FECH: variants seen among roughly 807,000 people sequenced by gnomAD.
The protein encoded by FECH is ferrochelatase, mitochondrial.
In FECH, 40 loss-of-function variants were observed where a neutral mutation model predicts 56.9. The observed-to-expected ratio is 0.70, with a 90% CI of 0.55 to 0.92. The LOEUF (loss-of-function observed/expected upper bound fraction) is 0.92, where lower values mean the gene tolerates loss of function less well. Ranked by LOEUF, FECH falls within the 40% of genes least tolerant of loss-of-function variation. FECH has a pLI of 0.00. For missense variants in FECH, 431 were observed against 529.1 expected, an observed-to-expected ratio of 0.81 and a Z score of 1.82; for synonymous variants, 175 against 198.6, an observed-to-expected ratio of 0.88 and a Z score of 1.00.
intron 2 of FECH, among the ~76,000 whole-genome samples, chr18:57,575,771 T>G (rs2051177012): frequency 6.7e-6 from 1 of 148,818 alleles, no homozygotes; most frequent in Non-Finnish European, 1.5e-5. Context: ...TTAACAACAT[T>G]TGGCAATAAC....
At chr18:57,563,116 C>T in intron 5 of FECH, 136 bp from the exon 6 acceptor site, 1 of 724,636 alleles carries the variant, frequency 1.4e-6, no homozygotes, top group Non-Finnish European at 2.4e-6. Flanking sequence ...ACAATCATTT[C>T]AATACTCTAA....
chr18:57,560,712 T>G (rs1287154861), intron 6 of FECH, among the ~76,000 whole-genome samples: 1 of 152,216 alleles, frequency 6.6e-6, no homozygotes, highest in Non-Finnish European at 1.5e-5. Context: ...ATACTATTCT[T>G]AATCTTGTAA....
intron 1 of FECH, among the ~76,000 whole-genome samples, chr18:57,583,699 G>A (rs181941249): frequency 5.9e-5 from 9 of 152,284 alleles, no homozygotes; most frequent in Middle Eastern, 3.4e-3. Context: ...GGGGGCTCAC[G>A]CCTGTAATTC....
At position 57,586,679 on chromosome 18, in the gene FECH, C is replaced by G; in HGVS notation, c.-59G>C. 2 of 1,444,244 alleles carry G rather than the reference C, an allele frequency of 1.4e-6. No homozygotes were observed. The highest frequency in any genetic ancestry group is 2.6e-5 in the South Asian group (2 of 77,092). The allele number at this position is 1,444,244 out of a possible 1,614,324, so 89.5% of individuals were successfully genotyped here. A position where few individuals can be genotyped will look rare whatever the true frequency, so the allele number is the denominator to read the frequency against. On this transcript the variant is annotated 5_prime_UTR_variant, in exon 1 of 11. Coordinates refer to ENST00000262093, the MANE Select transcript of FECH (RefSeq NM_000140.5). ...TCCCGCGGCGGCGCGCCCAGGTGTCCGCCCAGCAGTGGCCGAGCCGGGTAG... is the reference window on the plus strand; with the variant it reads ...TCCCGCGGCGGCGCGCCCAGGTGTCGGCCCAGCAGTGGCCGAGCCGGGTAG...
intron 2 of FECH, among the ~76,000 whole-genome samples, chr18:57,579,541 C>A (rs1046101140): frequency 2.0e-5 from 3 of 152,134 alleles, no homozygotes; most frequent in Non-Finnish European, 4.4e-5. Flanking sequence ...ACCCTTGCAA[C>A]AATGCCATGC....
At position 57,549,379 on chromosome 18, in the gene FECH, T is replaced by A. The variant is rs2050765030; in HGVS notation, c.*1333A>T. 1 of 143,774 alleles carries A rather than the reference T, an allele frequency of 7.0e-6. No individual in the cohort carries two copies. The highest frequency in any genetic ancestry group is 2.2e-4 in the South Asian group (1 of 4,644). The allele number at this position is 143,774 out of a possible 1,614,324, so 8.9% of individuals were successfully genotyped here. ...TTATTAACATAGCCAATTCTCAATA[T>A]AGAAGATTTATGAATCTCCTAATAC... On this transcript the variant is annotated 3_prime_UTR_variant, in exon 11 of 11. Coordinates refer to ENST00000262093, the MANE Select transcript of FECH (RefSeq NM_000140.5).
Position 57,550,715 on chromosome 18 carries a change from C to T in FECH, c.1269G>A (p.Leu423=), listed in dbSNP as rs2050786095. Residue 423 remains leucine (L), a synonymous_variant, in exon 11 of 11, where the codon CTG becomes CTA. Transcript: ENST00000262093. ...ETKSFFTSQQ[L] ...CCACGGGGTCCACCGGCGGGGGTCA[C>T]AGCTGCTGGCTGGTGAAGAAGGATT... 6.2e-7 allele frequency: 1 copy of T among 1,613,970 alleles called. No homozygotes were observed. Among genetic ancestry groups the T allele is most frequent in the East Asian group, 2.2e-5 (1 of 44,880 alleles).
intron 4 of FECH, among the ~76,000 whole-genome samples, chr18:57,568,423 G>A (rs2051046830): frequency 6.6e-6 from 1 of 152,188 alleles, no homozygotes; most frequent in African/African-American, 2.4e-5. Flanking sequence ...AAGACAACCT[G>A]TAAACACATA....
chr18:57,558,861 C>T (rs1215953485), intron 7 of FECH, among the ~76,000 whole-genome samples: 1 of 151,990 alleles, frequency 6.6e-6, no homozygotes, highest in African/African-American at 2.4e-5. Flanking sequence ...GTGGAGGTTG[C>T]AGTGAGCCGA....
chr18:57,578,119 T>A (rs2122348137), intron 2 of FECH, among the ~76,000 whole-genome samples: 1 of 152,242 alleles, frequency 6.6e-6, no homozygotes, highest in Admixed American at 6.5e-5. Flanking sequence ...ACAAATGAAA[T>A]AATTTTTCTT....
intron 6 of FECH, among the ~76,000 whole-genome samples, chr18:57,560,658 T>A (rs989903266): frequency 3.9e-5 from 6 of 152,162 alleles, no homozygotes; most frequent in African/African-American, 1.4e-4. Flanking sequence ...CTCAAAATAA[T>A]AATAATACAG....
At chr18:57,552,375 AT>A (rs1304581901) in intron 9 of FECH, among the ~76,000 whole-genome samples, 3 of 151,196 alleles carry the variant, frequency 2.0e-5, no homozygotes, top group African/African-American at 4.9e-5. Context: ...TTGATCTTTT[AT>A]TTTTTATTTA....
chr18:57,556,361 G>A (rs540251044), intron 7 of FECH, among the ~76,000 whole-genome samples: 2 of 152,066 alleles, frequency 1.3e-5, no homozygotes, highest in Non-Finnish European at 2.9e-5. Flanking sequence ...TAATTACAAA[G>A]AGAAAAATAG....
chr18:57,570,031 T>TGTGTGTGTG (rs1317904142), intron 4 of FECH, among the ~76,000 whole-genome samples: 2 of 79,050 alleles, frequency 2.5e-5, no homozygotes, highest in East Asian at 5.6e-4. Flanking sequence ...GTTGTTGTTG[T>TGTGTGTGTG]CGTGTGTGTG....
chr18:57,582,530 A>C (rs781392152), intron 1 of FECH, among the ~76,000 whole-genome samples: 6 of 151,632 alleles, frequency 4.0e-5, no homozygotes, highest in Non-Finnish European at 8.8e-5. Flanking sequence ...TGGGAGGCAG[A>C]GGTGGGAGGA....
intron 2 of FECH, 61 bp from the exon 3 acceptor site, chr18:57,573,426 C>T (rs1186829271): frequency 1.6e-5 from 26 of 1,600,122 alleles, no homozygotes; most frequent in Non-Finnish European, 2.1e-5. Context: ...CCAGGGTGGA[C>T]TCTTGGTTCA....
At chr18:57,586,256 C>T (rs911990908) in intron 1 of FECH, among the ~76,000 whole-genome samples, 2 of 152,228 alleles carry the variant, frequency 1.3e-5, no homozygotes, top group Non-Finnish European at 2.9e-5. Flanking sequence ...CTGGTTATTG[C>T]AGGTGACAAT....
At chr18:57,555,445 G>C (rs577143223) in intron 7 of FECH, among the ~76,000 whole-genome samples, 4 of 152,268 alleles carry the variant, frequency 2.6e-5, no homozygotes, top group African/African-American at 9.6e-5. Context: ...GCAGGTTACA[G>C]GCACCTCCAA....
At position 57,554,921 on chromosome 18, in the gene FECH, T is replaced by A. The variant is rs2122250951; in HGVS notation, c.836A>T (p.Glu279Val). Residue 279 changes from glutamate to valine, a missense_variant, in exon 8 of 11, where the codon GAG becomes GTG. Transcript: ENST00000262093. The part of the protein sequence containing the change: ...VVNRGDPYPQ[E>V]VSATVQKVME... ...GACTTTTTGGACAGTGGCGCTTACC[T>A]CCTGAGGATATGGGTCGCCTCTGTT... The A allele has an allele frequency of 6.2e-7, 1 of 1,614,128 alleles. No individual in the cohort carries two copies. Among genetic ancestry groups the A allele is most frequent in the African/African-American group, 1.3e-5 (1 of 75,036 alleles).
Sources: gnomAD v4.1 joint callset for allele counts (sites outside exome capture counted in the v4.1 genomes callset) on GRCh38, gnomAD v4.1.1 for gene constraint, MANE v1.5 for transcripts, NCBI Gene and HGNC (gene_info 2026-07-23, HGNC 2026-07-21) for gene names.